The following TENM3 variants were observed in gnomAD, a reference collection of about 807,000 sequenced individuals.
TENM3 encodes teneurin-3.
In TENM3, 63 loss-of-function variants were observed where a neutral mutation model predicts 255.1. The ratio of observed to expected loss-of-function variants is 0.25; its 90% confidence interval spans 0.20 to 0.30. The LOEUF is 0.30. Among genes scored for constraint, TENM3 ranks in the 10% least tolerant of loss-of-function variants. TENM3 has a pLI of 1.00. For missense variants in TENM3, 2,929 were observed against 3,461.1 expected (o/e 0.85, Z 3.86); for synonymous variants, 1,306 against 1,322.3 (o/e 0.99, Z 0.27).
chr4:181,769,268 A>G, the TENM3 span, among the ~76,000 whole-genome samples: 1 of 152,248 alleles, frequency 6.6e-6, no homozygotes, highest in African/African-American at 2.4e-5. Context: ...CAAATGGTAT[A>G]TTAACCTTGG....
the TENM3 span, among the ~76,000 whole-genome samples, chr4:181,888,083 G>A: frequency 2.2e-4 from 34 of 152,108 alleles, no homozygotes; most frequent in African/African-American, 7.5e-4. Context: ...AGGCTGGAGT[G>A]CAGTGGAATA....
the TENM3 span, among the ~76,000 whole-genome samples, chr4:181,910,840 G>A: frequency 1.3e-5 from 2 of 151,876 alleles, no homozygotes; most frequent in Non-Finnish European, 2.9e-5. Flanking sequence ...AAAACCACAC[G>A]ACTTTTAAAA....
the TENM3 span, among the ~76,000 whole-genome samples, chr4:181,564,551 T>C: frequency 2.0e-5 from 3 of 152,104 alleles, no homozygotes; most frequent in Non-Finnish European, 4.4e-5. Context: ...ACTGTACCTA[T>C]GTACAAGCTC....
chr4:182,051,913 G>A, the TENM3 span, among the ~76,000 whole-genome samples: 4 of 152,186 alleles, frequency 2.6e-5, no homozygotes, highest in African/African-American at 9.6e-5. Context: ...CTAAAATGTT[G>A]TTCTAGTTTA....
intron 3 of TENM3, among the ~76,000 whole-genome samples, chr4:182,370,770 G>T (rs1766750953): frequency 6.6e-6 from 1 of 152,150 alleles, no homozygotes; most frequent in South Asian, 2.1e-4. Context: ...GCGATTATCT[G>T]CATGTTTCTA....
intron 4 of TENM3, among the ~76,000 whole-genome samples, chr4:182,624,097 A>T (rs977133495): frequency 6.6e-6 from 1 of 152,140 alleles, no homozygotes; most frequent in African/African-American, 2.4e-5. Flanking sequence ...TTCTCCAGGA[A>T]TCACGCGGGG....
At chr4:182,402,227 G>A (rs186240083) in intron 3 of TENM3, among the ~76,000 whole-genome samples, 10 of 152,220 alleles carry the variant, frequency 6.6e-5, no homozygotes, top group Admixed American at 2.0e-4. Context: ...TGCACAGGTC[G>A]TTTATTTTGC....
the TENM3 span, among the ~76,000 whole-genome samples, chr4:181,564,523 A>G: frequency 6.6e-6 from 1 of 152,158 alleles, no homozygotes; most frequent in Non-Finnish European, 1.5e-5. Context: ...CAGTGCACTC[A>G]ACTCTAAAAT....
chr4:181,697,818 A>G, the TENM3 span, among the ~76,000 whole-genome samples: 1 of 152,262 alleles, frequency 6.6e-6, no homozygotes, highest in Non-Finnish European at 1.5e-5. Flanking sequence ...TCTAAAAGCA[A>G]AGAGAAAATA....
the TENM3 span, among the ~76,000 whole-genome samples, chr4:181,793,103 A>T: frequency 6.6e-6 from 1 of 152,180 alleles, no homozygotes; most frequent in East Asian, 1.9e-4. Context: ...CAAGGAAGAG[A>T]TGTTCTGCTC....
At chr4:182,365,934 G>A (rs1398398619) in intron 3 of TENM3, among the ~76,000 whole-genome samples, 1 of 151,986 alleles carries the variant, frequency 6.6e-6, no homozygotes, top group East Asian at 1.9e-4. Flanking sequence ...ATAACACAAT[G>A]GTATTTGTGT....
At chr4:181,849,949 T>TCTCTCTCTCTCTCTCTCACACA in the TENM3 span, among the ~76,000 whole-genome samples, 23 of 65,960 alleles carry the variant, frequency 3.5e-4, no homozygotes, top group East Asian at 7.3e-4. Context: ...TCTCTCTCTC[T>TCTCTCTCTCTCTCTCTCACACA]CACACACACA....
the TENM3 span, among the ~76,000 whole-genome samples, chr4:182,019,449 G>A: frequency 2.0e-5 from 3 of 152,152 alleles, no homozygotes; most frequent in Admixed American, 1.3e-4. Flanking sequence ...TGATGTCTTC[G>A]CTTCTCTAAG....
the TENM3 span, among the ~76,000 whole-genome samples, chr4:181,527,275 G>A: frequency 1.3e-5 from 2 of 152,148 alleles, no homozygotes; most frequent in Non-Finnish European, 1.5e-5. Context: ...TGGATTCCCA[G>A]TAAAGCATTT....
chr4:182,185,489 TA>T (rs1753094313), intron 1 of TENM3, among the ~76,000 whole-genome samples: 9 of 152,148 alleles, frequency 5.9e-5, no homozygotes, highest in Admixed American at 5.9e-4. Flanking sequence ...AGCAAAGAAC[TA>T]AAAAAGAAAA....
chr4:182,764,797 G>T lies in TENM3; in HGVS notation c.4893-8675G>T, dbSNP rs35981779. Among the ~76,000 whole-genome samples the T allele has an allele frequency of 8.8e-4, 134 of 152,160 alleles. 2 individuals are homozygous for T. The highest frequency in any genetic ancestry group is 1.7e-3 in the Non-Finnish European group (113 of 67,996). On this transcript the variant is annotated intron_variant, in intron 22 of 27. Transcript: ENST00000511685. ...GCTGGACTGCGTGGATCTTCCCTCC[G>T]GGGTAGGCGGGACTCTGTTCAAGGA...
the TENM3 span, among the ~76,000 whole-genome samples, chr4:181,748,116 A>G: frequency 2.0e-5 from 3 of 152,166 alleles, no homozygotes; most frequent in Middle Eastern, 3.4e-3. Flanking sequence ...TAATTTTTAA[A>G]TACTTATTTT....
the TENM3 span, among the ~76,000 whole-genome samples, chr4:181,967,175 A>C: frequency 0.59 from 89,293 of 151,916 alleles, 26,902 homozygotes; most frequent in African/African-American, 0.69. Context: ...GTGCAAAGAC[A>C]ATGCTTTTCC....
chr4:182,219,701 A>T (rs1755731857), intron 1 of TENM3, among the ~76,000 whole-genome samples: 1 of 152,188 alleles, frequency 6.6e-6, no homozygotes, highest in Admixed American at 6.5e-5. Context: ...AAGAAAACAC[A>T]TACCATCAGG....
Sources: allele counts gnomAD v4.1 joint callset (sites outside exome capture counted in the v4.1 genomes callset), GRCh38; gene constraint gnomAD v4.1.1; transcripts MANE v1.5; gene names NCBI Gene and HGNC (gene_info 2026-07-23, HGNC 2026-07-21).